RP1: variants seen among roughly 807,000 people sequenced by gnomAD.
RP1 encodes oxygen-regulated protein 1.
In RP1, 16 loss-of-function variants were observed where a neutral mutation model predicts 14.8. That is an observed-to-expected ratio of 1.08 (90% CI 0.73 to 1.65). The LOEUF (loss-of-function observed/expected upper bound fraction) is 1.65. Ranked by LOEUF, RP1 falls within the 40% of genes most tolerant of loss-of-function variation. The pLI, the probability that RP1 is intolerant of heterozygous loss-of-function variation, is 0.00. For synonymous variants in RP1, 876 were observed against 883.6 expected, an observed-to-expected ratio of 0.99 and a Z score of 0.15; for missense variants, 2,631 against 2,535.0, an observed-to-expected ratio of 1.04 and a Z score of -0.81.
intron 6 of RP1, among the ~76,000 whole-genome samples, chr8:54,656,938 T>C (rs1232560576): frequency 6.6e-6 from 1 of 152,080 alleles, no homozygotes; most frequent in Non-Finnish European, 1.5e-5. Flanking sequence ...ATATTAAGTC[T>C]TATCTGACAT....
chr8:54,629,432 T>A lies in RP1; in HGVS notation c.5550T>A (p.His1850Gln). The A allele has an allele frequency of 6.2e-7, 1 of 1,614,152 alleles. No homozygotes were observed. Among genetic ancestry groups the A allele is most frequent in the South Asian group, 1.1e-5 (1 of 91,082 alleles). The part of the protein sequence containing the change: ...ETCAKERIAN[H>Q]HTEEKGSHQS... ...GTGCCAAGGAAAGAATAGCAAATCATCATACAGAGGAGAAGGGTAGTCATC... is the reference window on the plus strand; with the variant it reads ...GTGCCAAGGAAAGAATAGCAAATCAACATACAGAGGAGAAGGGTAGTCATC... The change falls in exon 4 of 4, where the codon CAT (histidine) becomes CAA (glutamine). Residue 1850 changes from histidine (H) to glutamine (Q), a missense_variant. His to Gln is a conservative substitution (Grantham distance 24). Transcript: ENST00000220676.
In RP1 at chr8:54,663,004, G is replaced by T. The variant is rs187339239; in HGVS notation, c.1172-695G>T. Reference sequence around the variant, plus strand: ...TGATCTCAGTTCTTCAAAGTCACTTGCTGTCCAAAAATATTAAATGTAAAA... The same window carrying T: ...TGATCTCAGTTCTTCAAAGTCACTTTCTGTCCAAAAATATTAAATGTAAAA... On this transcript the variant is annotated intron_variant, in intron 6 of 22. Coordinates refer to the RP1 transcript ENST00000636932. Among the ~76,000 whole-genome samples the T allele has an allele frequency of 4.2e-3, 640 of 152,206 alleles. 2 individuals are homozygous for T. The highest frequency in any genetic ancestry group is 6.0e-3 in the Non-Finnish European group (405 of 68,008).
At chr8:54,857,609 A>G (rs1183407331) in intron 27 of RP1, among the ~76,000 whole-genome samples, 1 of 151,988 alleles carries the variant, frequency 6.6e-6, no homozygotes, top group Non-Finnish European at 1.5e-5. Context: ...TACACAGGAA[A>G]TTTCCTAGAA....
At chr8:54,656,900 A>G (rs1411498984) in intron 6 of RP1, among the ~76,000 whole-genome samples, 1 of 151,754 alleles carries the variant, frequency 6.6e-6, no homozygotes, top group Non-Finnish European at 1.5e-5. Context: ...TGATGTTTTA[A>G]TTTTCTGAAT....
rs115121323 is a variant in RP1, at chr8:54,839,862, C to T, written c.3835+2193C>T. On this transcript the variant is annotated intron_variant, in intron 25 of 28. Coordinates refer to the RP1 transcript ENST00000637698. ...TGATAAATGTAGAATAATACTAATG[C>T]TTTATATTTGTATATATTTTGACAG... Among the ~76,000 whole-genome samples, 1,099 of 152,236 alleles carry T rather than the reference C, an allele frequency of 7.2e-3. 14 individuals are homozygous for T. The highest frequency in any genetic ancestry group is 0.025 in the African/African-American group (1,025 of 41,530).
chr8:54,681,729 C>T (rs990622434), intron 12 of RP1, among the ~76,000 whole-genome samples: 1 of 152,018 alleles, frequency 6.6e-6, no homozygotes, highest in African/African-American at 2.4e-5. Context: ...GTTTCCCCAC[C>T]ACCCCCTGAT....
chr8:54,794,961 T>G (rs1479577019), intron 24 of RP1, among the ~76,000 whole-genome samples: 2 of 151,822 alleles, frequency 1.3e-5, no homozygotes, highest in Admixed American at 6.6e-5. Flanking sequence ...AAAGAAGACA[T>G]AGAAATGGCC....
At chr8:54,578,232 C>T (rs536728146) in intron 1 of RP1, among the ~76,000 whole-genome samples, 130 of 152,018 alleles carry the variant, frequency 8.6e-4, no homozygotes, top group African/African-American at 2.8e-3. Flanking sequence ...TTAGGGACAG[C>T]GTCTCATTCT....
At position 54,630,600 on chromosome 8, in the gene RP1, ATTTT is replaced by A; in HGVS notation, c.*258_*261del. The A allele has an allele frequency of 1.8e-6, 2 of 1,090,584 alleles. No individual in the cohort carries two copies. Among genetic ancestry groups the A allele is most frequent in the Non-Finnish European group, 2.3e-6 (2 of 884,282 alleles). The allele number at this position is 1,090,584 out of a possible 1,614,324, so 67.6% of individuals were successfully genotyped here. ...CTATCTGGTTTTGTTCTGAACTTACATTTTTTTTTTTTTTGGTATCTATGATTTT... is the reference window on the plus strand; with the variant it reads ...CTATCTGGTTTTGTTCTGAACTTACATTTTTTTTTTGGTATCTATGATTTT... On this transcript the variant is annotated 3_prime_UTR_variant, in exon 4 of 4. Transcript: ENST00000220676.
At position 54,642,200 on chromosome 8, in the gene RP1, G is replaced by A. The variant is rs183886958; in HGVS notation, c.788-6785G>A. 2.6e-5 allele frequency among the ~76,000 whole-genome samples: 4 copies of A among 152,046 alleles called. No homozygotes were observed. In the East Asian group the frequency reaches 5.8e-4, roughly 22 times the overall value. ...CTAAAGAGGACTTTTATAATCACAA[G>A]GTGAAAACATTTTTTTTTGTTTTGA... On this transcript the variant is annotated intron_variant, in intron 3 of 22. Transcript: ENST00000636932.
chr8:54,691,360 T>A (rs909312525), intron 12 of RP1, among the ~76,000 whole-genome samples: 5 of 152,072 alleles, frequency 3.3e-5, no homozygotes, highest in African/African-American at 1.2e-4. Context: ...CATTGGGTAA[T>A]TGAATTATTC....
At chr8:54,830,828 GA>G (rs1476170865) in intron 24 of RP1, among the ~76,000 whole-genome samples, 2 of 152,016 alleles carry the variant, frequency 1.3e-5, no homozygotes, top group Non-Finnish European at 2.9e-5. Flanking sequence ...CATGCCAAAA[GA>G]AAAACTCTGT....
At chr8:54,803,388 G>T (rs992563281) in intron 24 of RP1, among the ~76,000 whole-genome samples, 1 of 151,930 alleles carries the variant, frequency 6.6e-6, no homozygotes, top group Non-Finnish European at 1.5e-5. Context: ...GTAACACCGG[G>T]GATTATGACC....
chr8:54,611,569 T>C (rs530382477), upstream of RP1, among the ~76,000 whole-genome samples: 1 of 152,278 alleles, frequency 6.6e-6, no homozygotes, highest in African/African-American at 2.4e-5. Context: ...TCTCTAATAA[T>C]ATTCTTATTT....
chr8:54,624,945 A>G lies in RP1; in HGVS notation c.1063A>G (p.Lys355Glu), dbSNP rs1409722039. 6.2e-7 allele frequency: 1 copy of G among 1,614,216 alleles called. No homozygotes were observed. Among genetic ancestry groups the G allele is most frequent in the South Asian group, 1.1e-5 (1 of 91,078 alleles). ...ETIKWTTTVS[K>E]TGPSNNDEKS... ...CATAAAATGGACAACTACTGTCAGT[A>G]AAACTGGTCCTTCTAATAATGATGA... The change falls in exon 4 of 4, where the codon AAA (lysine) becomes GAA (glutamate). Residue 355 changes from lysine (K) to glutamate (E), a missense_variant. By Grantham distance (56) the Lys-to-Glu change is moderately conservative. Transcript: ENST00000220676.
At chr8:54,581,841 G>T (rs1181087021) in intron 1 of RP1, among the ~76,000 whole-genome samples, 2 of 152,054 alleles carry the variant, frequency 1.3e-5, no homozygotes, top group Non-Finnish European at 2.9e-5. Context: ...TTGCCCACTT[G>T]TTGATGGGGT....
chr8:54,695,211 G>A (rs971187393), intron 12 of RP1, among the ~76,000 whole-genome samples: 1 of 151,844 alleles, frequency 6.6e-6, no homozygotes, highest in Non-Finnish European at 1.5e-5. Flanking sequence ...CTGTTCTTTT[G>A]CATTTGCTGA....
intron 1 of RP1, among the ~76,000 whole-genome samples, chr8:54,607,859 T>A (rs1183061622): frequency 6.6e-6 from 1 of 152,168 alleles, no homozygotes; most frequent in East Asian, 1.9e-4. Flanking sequence ...TGGGATATAA[T>A]CTCCTGGTGT....
chr8:54,625,497 C>G lies in RP1; in HGVS notation c.1615C>G (p.Leu539Val). The G allele has an allele frequency of 6.2e-7, 1 of 1,613,980 alleles. No homozygotes were observed. The highest frequency in any genetic ancestry group is 8.5e-7 in the Non-Finnish European group (1 of 1,180,026). Reference sequence around the variant, plus strand: ...ATTAGAAAGAAAAAAGGAAAACAGTCTGCTTAAGTCAAGTGCAATAAGTGC... The same window carrying G: ...ATTAGAAAGAAAAAAGGAAAACAGTGTGCTTAAGTCAAGTGCAATAAGTGC... ...SSLERKKENS[L>V]LKSSAISAGV... Residue 539 changes from leucine (L) to valine (V), a missense_variant, in exon 4 of 4, where the codon CTG becomes GTG. By Grantham distance (32) the Leu-to-Val change is conservative. Coordinates refer to ENST00000220676, the MANE Select transcript of RP1 (RefSeq NM_006269.2).
Sources: gnomAD v4.1 joint callset for allele counts (sites outside exome capture counted in the v4.1 genomes callset) on GRCh38, gnomAD v4.1.1 for gene constraint, MANE v1.5 for transcripts, NCBI Gene and HGNC (gene_info 2026-07-23, HGNC 2026-07-21) for gene names.